The following ARHGEF4 variants were observed in gnomAD, a reference collection of about 807,000 sequenced individuals.
ARHGEF4 encodes the protein Rho guanine nucleotide exchange factor 4, also known as APC-stimulated guanine nucleotide exchange factor 1.
ARHGEF4 carries 119 observed loss-of-function variants against 162.0 expected under a neutral mutation model. The observed-to-expected ratio is 0.73, with a 90% CI of 0.63 to 0.86. The LOEUF (loss-of-function observed/expected upper bound fraction) is 0.86. Ranked by LOEUF, ARHGEF4 falls within the 40% of genes least tolerant of loss-of-function variation. The pLI is 0.00. For missense variants in ARHGEF4, 2,488 were observed against 2,456.0 expected, an observed-to-expected ratio of 1.01 and a Z score of -0.28; for synonymous variants, 1,014 against 979.9, an observed-to-expected ratio of 1.03 and a Z score of -0.65.
At chr2:130,848,000 C>CG (rs929686537) in intron 1 of ARHGEF4, among the ~76,000 whole-genome samples, 3 of 152,298 alleles carry the variant, frequency 2.0e-5, no homozygotes, top group Non-Finnish European at 4.4e-5. Context: ...GTGGAGGCCA[C>CG]GGGTGTGAGG....
At chr2:130,906,246 C>G (rs1230326806) in intron 1 of ARHGEF4, among the ~76,000 whole-genome samples, 1 of 152,154 alleles carries the variant, frequency 6.6e-6, no homozygotes, top group Non-Finnish European at 1.5e-5. Flanking sequence ...ATTTAGAAAC[C>G]AAGATTTGGG....
chr2:131,000,165 A>C (rs891022723), intron 4 of ARHGEF4, among the ~76,000 whole-genome samples: 5 of 152,260 alleles, frequency 3.3e-5, no homozygotes, highest in Non-Finnish European at 7.3e-5. Context: ...TGAAGGATTA[A>C]ACTTTTTAAA....
intron 4 of ARHGEF4, among the ~76,000 whole-genome samples, chr2:130,968,621 A>G (rs2105212864): frequency 6.6e-6 from 1 of 152,330 alleles, no homozygotes; most frequent in South Asian, 2.1e-4. Flanking sequence ...GCTCCCTGCT[A>G]AGAAATATGA....
chr2:131,010,805 T>C (rs541247126), intron 4 of ARHGEF4, among the ~76,000 whole-genome samples: 116 of 152,344 alleles, frequency 7.6e-4, no homozygotes, highest in Middle Eastern at 3.4e-3. Flanking sequence ...TACTTTGTTG[T>C]GCACTTGGGA....
At chr2:130,967,979 C>T (rs1685110007) in intron 4 of ARHGEF4, among the ~76,000 whole-genome samples, 1 of 152,182 alleles carries the variant, frequency 6.6e-6, no homozygotes, top group Non-Finnish European at 1.5e-5. Flanking sequence ...ATAAGTTCCC[C>T]AAGCCTTGGT....
chr2:130,998,787 A>G (rs979002691), intron 4 of ARHGEF4, among the ~76,000 whole-genome samples: 1 of 152,252 alleles, frequency 6.6e-6, no homozygotes. Context: ...ATTTGTGTAC[A>G]CGTTTTGTGT....
Position 130,916,073 on chromosome 2 carries a change from G to C in ARHGEF4, c.2127G>C (p.Gln709His). ...AGDGALQRVA[Q>H]AAELGRVLVP... is the part of the protein sequence containing the mutation. ...ATGGGGCTCTTCAGCGGGTGGCCCA[G>C]GCCGCAGAGCTTGGGAGAGTGCTGG... Residue 709 changes from glutamine (Q) to histidine (H), a missense_variant, in exon 2 of 14, where the codon CAG becomes CAC. Gln to His is a conservative substitution (Grantham distance 24, BLOSUM62 0). Transcript: ENST00000409359. 1 of 1,550,308 alleles carries C rather than the reference G, an allele frequency of 6.5e-7. No homozygotes were observed. Among genetic ancestry groups the C allele is most frequent in the Non-Finnish European group, 8.7e-7 (1 of 1,146,940 alleles).
chr2:130,919,302 G>C (rs1389696248), intron 2 of ARHGEF4, among the ~76,000 whole-genome samples: 3 of 152,118 alleles, frequency 2.0e-5, no homozygotes, highest in East Asian at 1.9e-4. Flanking sequence ...ATGTCTGTTG[G>C]ATATAAAAGT....
intron 1 of ARHGEF4, among the ~76,000 whole-genome samples, chr2:130,906,349 A>G (rs1574202302): frequency 6.6e-6 from 1 of 152,228 alleles, no homozygotes; most frequent in Non-Finnish European, 1.5e-5. Context: ...ATTAACCCAT[A>G]TATACACACA....
At chr2:131,031,840 C>T (rs933584102) in intron 5 of ARHGEF4, among the ~76,000 whole-genome samples, 58 of 152,318 alleles carry the variant, frequency 3.8e-4, no homozygotes, top group Admixed American at 3.7e-3. Flanking sequence ...CCCCTGCAGT[C>T]AGGCCTGAGG....
chr2:130,963,999 G>A (rs1382074107), intron 4 of ARHGEF4: 1 of 103,208 alleles, frequency 9.7e-6, no homozygotes, highest in East Asian at 8.5e-4. Flanking sequence ...CGCCGCCCCC[G>A]GCCCAGCCTT....
chr2:130,922,320 G>A (rs1430637138), intron 2 of ARHGEF4, among the ~76,000 whole-genome samples: 2 of 151,648 alleles, frequency 1.3e-5, no homozygotes, highest in South Asian at 4.2e-4. Flanking sequence ...GCGGCGAGCC[G>A]AGATTGCACC....
chr2:130,909,194 A>G (rs577709002), intron 1 of ARHGEF4, among the ~76,000 whole-genome samples: 3 of 152,370 alleles, frequency 2.0e-5, no homozygotes, highest in South Asian at 4.1e-4. Context: ...ATGAAAGCAC[A>G]TGTCCATATA....
At chr2:130,903,818 G>A (rs1356301489) in intron 1 of ARHGEF4, among the ~76,000 whole-genome samples, 1 of 152,186 alleles carries the variant, frequency 6.6e-6, no homozygotes, top group Non-Finnish European at 1.5e-5. Context: ...TTAGGATGGT[G>A]GCCTCTAGCT....
intron 4 of ARHGEF4, among the ~76,000 whole-genome samples, chr2:130,947,657 C>G (rs1193665868): frequency 1.3e-5 from 2 of 152,212 alleles, no homozygotes; most frequent in African/African-American, 4.8e-5. Context: ...CATCACATAT[C>G]TGTCCATAAA....
chr2:130,946,533 T>G lies in ARHGEF4; in HGVS notation c.3883T>G (p.Ser1295Ala), dbSNP rs765215777. The G allele has an allele frequency of 6.2e-7, 1 of 1,613,386 alleles. No homozygotes were observed. The highest frequency in any genetic ancestry group is 8.5e-7 in the Non-Finnish European group (1 of 1,179,754). Residue 1295 changes from serine (S) to alanine (A), a missense_variant, in exon 4 of 14, where the codon TCT becomes GCT. Coordinates refer to ENST00000409359, the MANE Select transcript of ARHGEF4 (RefSeq NM_001367493.1). ...VKCWRKTIITSPESLNLPRRS... is the reference protein window; with the variant it reads ...VKCWRKTIITAPESLNLPRRS... ...GTGCTGGAGAAAGACGATCATTACCTCTCCAGAGTCTTTGAATCTCCCTAG... is the reference window on the plus strand; with the variant it reads ...GTGCTGGAGAAAGACGATCATTACCGCTCCAGAGTCTTTGAATCTCCCTAG...
chr2:130,993,195 A>G (rs1288449911), intron 4 of ARHGEF4, among the ~76,000 whole-genome samples: 1 of 152,202 alleles, frequency 6.6e-6, no homozygotes, highest in Non-Finnish European at 1.5e-5. Context: ...TTTTTTAATC[A>G]TTTTAATTAT....
At position 131,041,964 on chromosome 2, in the gene ARHGEF4, G is replaced by T. The variant is rs1690850143; in HGVS notation, c.5025+20G>T. 6.2e-7 allele frequency: 1 copy of T among 1,607,712 alleles called. No individual in the cohort carries two copies. The highest frequency in any genetic ancestry group is 1.7e-5 in the Admixed American group (1 of 59,220). Reference sequence around the variant, plus strand: ...TGGGAGGTGAGGGCCTGGGGGCACAGAAAATTCCAGGAGGTCTTGGCCCCT... The same window carrying T: ...TGGGAGGTGAGGGCCTGGGGGCACATAAAATTCCAGGAGGTCTTGGCCCCT... On this transcript the variant is annotated intron_variant, in intron 10 of 13. Transcript: ENST00000409359.
intron 3 of ARHGEF4, among the ~76,000 whole-genome samples, chr2:130,940,849 GAAAAAAA>G (rs70994723): frequency 1.5e-5 from 2 of 131,876 alleles, no homozygotes; most frequent in Non-Finnish European, 3.1e-5. Flanking sequence ...AAAAAAAAAA[GAAAAAAA>G]AAAAGAAAAT....
Sources: gnomAD v4.1 joint callset for allele counts (sites outside exome capture counted in the v4.1 genomes callset) on GRCh38, gnomAD v4.1.1 for gene constraint, MANE v1.5 for transcripts, NCBI Gene and HGNC (gene_info 2026-07-23, HGNC 2026-07-21) for gene names.